The following ADGRL3 variants were observed in gnomAD, a reference collection of about 807,000 sequenced individuals.
The protein encoded by ADGRL3 is calcium-independent alpha-latrotoxin receptor 3.
In ADGRL3, 62 loss-of-function variants were observed where a neutral mutation model predicts 153.5. The observed-to-expected ratio is 0.40, with a 90% CI of 0.33 to 0.50. The LOEUF (loss-of-function observed/expected upper bound fraction) is 0.50, where lower values mean the gene tolerates loss of function less well. ADGRL3 is among the 20% of genes least tolerant of loss of function. The pLI is 0.47. For missense variants in ADGRL3, 1,641 were observed against 1,859.4 expected (o/e 0.88, Z 2.16); for synonymous variants, 710 against 672.5 (o/e 1.06, Z -0.86).
intron 21 of ADGRL3, among the ~76,000 whole-genome samples, chr4:62,015,013 A>G (rs1397690430): frequency 6.6e-6 from 1 of 152,196 alleles, no homozygotes; most frequent in Non-Finnish European, 1.5e-5. Context: ...CCTCATTTGA[A>G]AAGTGCTGAA....
At chr4:61,538,993 G>A (rs10008945) in intron 4 of ADGRL3, among the ~76,000 whole-genome samples, 59,981 of 151,942 alleles carry the variant, frequency 0.39, 12,819 homozygotes, top group Non-Finnish European at 0.47. Flanking sequence ...ATGACCTTCA[G>A]CTCATATAGA....
chr4:61,499,451 T>C (rs1579198267), intron 3 of ADGRL3, among the ~76,000 whole-genome samples: 1 of 152,206 alleles, frequency 6.6e-6, no homozygotes, highest in African/African-American at 2.4e-5. Flanking sequence ...CTTGAGACAA[T>C]GCTTTTCTAA....
chr4:61,237,131 T>A (rs540252441), intron 1 of ADGRL3, among the ~76,000 whole-genome samples: 1 of 152,190 alleles, frequency 6.6e-6, no homozygotes, highest in African/African-American at 2.4e-5. Context: ...TATAGTGTTT[T>A]CTTTTAATGC....
intron 5 of ADGRL3, among the ~76,000 whole-genome samples, chr4:61,641,314 C>CT (rs1272899971): frequency 6.7e-6 from 1 of 149,826 alleles, no homozygotes; most frequent in Non-Finnish European, 1.5e-5. Flanking sequence ...TATTATTGTA[C>CT]TTTAAGTTTT....
chr4:61,689,953 G>T (rs576688866), intron 6 of ADGRL3, among the ~76,000 whole-genome samples: 144 of 152,208 alleles, frequency 9.5e-4, no homozygotes, highest in African/African-American at 3.3e-3. Context: ...GGGAAGGTGG[G>T]TGTAAAATTT....
At chr4:61,274,704 G>C (rs547412055) in intron 1 of ADGRL3, among the ~76,000 whole-genome samples, 1 of 152,088 alleles carries the variant, frequency 6.6e-6, no homozygotes, top group Non-Finnish European at 1.5e-5. Flanking sequence ...CAGGAGGATT[G>C]CTTGAGGCCA....
chr4:61,329,925 A>G (rs1259247516), intron 1 of ADGRL3, among the ~76,000 whole-genome samples: 6 of 152,158 alleles, frequency 3.9e-5, no homozygotes, highest in Non-Finnish European at 8.8e-5. Flanking sequence ...AGTCCATGAA[A>G]TTGGGCCTCC....
At chr4:61,359,660 A>G (rs552118964) in intron 1 of ADGRL3, among the ~76,000 whole-genome samples, 1 of 152,262 alleles carries the variant, frequency 6.6e-6, no homozygotes, top group Admixed American at 6.5e-5. Flanking sequence ...ATACTATGTA[A>G]AATTGTAAAT....
At chr4:61,514,974 T>G (rs1004085024) in intron 3 of ADGRL3, among the ~76,000 whole-genome samples, 2 of 152,206 alleles carry the variant, frequency 1.3e-5, no homozygotes, top group Admixed American at 1.3e-4. Context: ...CTCTAGAAAT[T>G]GACCTTTTCT....
intron 6 of ADGRL3, among the ~76,000 whole-genome samples, chr4:61,687,677 C>T (rs1030606191): frequency 3.9e-5 from 6 of 151,968 alleles, no homozygotes; most frequent in Middle Eastern, 3.4e-3. Context: ...TACTATATTA[C>T]ACTCATCTAC....
At chr4:61,951,359 C>T (rs2098946575) in intron 17 of ADGRL3, among the ~76,000 whole-genome samples, 2 of 152,236 alleles carry the variant, frequency 1.3e-5, no homozygotes, top group South Asian at 2.1e-4. Context: ...CAGTGGTTTA[C>T]CCAACCCCTT....
intron 1 of ADGRL3, among the ~76,000 whole-genome samples, chr4:61,277,124 C>T (rs2093500624): frequency 1.3e-5 from 2 of 152,012 alleles, no homozygotes; most frequent in Admixed American, 1.3e-4. Flanking sequence ...CATAATATTC[C>T]CTGAAACTTT....
chr4:61,230,560 G>A (rs537830958), intron 1 of ADGRL3, among the ~76,000 whole-genome samples: 60 of 152,008 alleles, frequency 3.9e-4, no homozygotes, highest in Admixed American at 2.0e-3. Context: ...TAATTATTTT[G>A]TTTTTTGTAG....
chr4:61,336,380 A>G (rs2095674651), intron 1 of ADGRL3, among the ~76,000 whole-genome samples: 5 of 152,134 alleles, frequency 3.3e-5, no homozygotes, highest in African/African-American at 9.7e-5. Flanking sequence ...ATGGATTGCA[A>G]ATACCTTCCC....
intron 9 of ADGRL3, among the ~76,000 whole-genome samples, chr4:61,827,669 C>T (rs2097823964): frequency 6.6e-6 from 1 of 152,138 alleles, no homozygotes; most frequent in Non-Finnish European, 1.5e-5. Flanking sequence ...ATGGTGGATT[C>T]AGACACTGCA....
intron 2 of ADGRL3, among the ~76,000 whole-genome samples, chr4:61,455,851 T>C (rs2097728730): frequency 6.6e-6 from 1 of 152,126 alleles, no homozygotes; most frequent in Non-Finnish European, 1.5e-5. Flanking sequence ...AGTCTCACTC[T>C]ATCTCCCAGG....
chr4:61,259,298 C>T (rs1310199132), intron 1 of ADGRL3, among the ~76,000 whole-genome samples: 1 of 152,122 alleles, frequency 6.6e-6, no homozygotes, highest in South Asian at 2.1e-4. Context: ...TGGCGGGCAC[C>T]TGTAGTCCCA....
intron 21 of ADGRL3, among the ~76,000 whole-genome samples, chr4:62,026,477 A>G (rs1207971031): frequency 6.6e-6 from 1 of 152,150 alleles, no homozygotes; most frequent in Non-Finnish European, 1.5e-5. Context: ...TAAATGGAGC[A>G]ACTAAATGGT....
intron 6 of ADGRL3, among the ~76,000 whole-genome samples, chr4:61,729,072 G>A (rs1038780506): frequency 3.3e-5 from 5 of 151,740 alleles, no homozygotes; most frequent in Non-Finnish European, 4.4e-5. Flanking sequence ...AGGGAGGGGG[G>A]TGAGGGTTGA....
Sources: allele counts gnomAD v4.1 joint callset (sites outside exome capture counted in the v4.1 genomes callset), GRCh38; gene constraint gnomAD v4.1.1; transcripts MANE v1.5; gene names NCBI Gene and HGNC (gene_info 2026-07-23, HGNC 2026-07-21).